Variants in SLC44A5 observed in about 807,000 individuals in gnomAD.
SLC44A5 encodes the protein solute carrier family 44 member 5.
SLC44A5 carries 57 observed loss-of-function variants against 101.8 expected under a neutral mutation model. That is an observed-to-expected ratio of 0.56 (90% CI 0.45 to 0.70). The LOEUF (loss-of-function observed/expected upper bound fraction) is 0.70, where lower values mean the gene tolerates loss of function less well. Among genes scored for constraint, SLC44A5 ranks in the 30% least tolerant of loss-of-function variants. SLC44A5 has a pLI of 0.00. For missense variants in SLC44A5, 737 were observed against 853.1 expected (o/e 0.86, Z 1.70); for synonymous variants, 281 against 290.9 (o/e 0.97, Z 0.35).
chr1:75,656,462 G>T, the SLC44A5 span, among the ~76,000 whole-genome samples: 2 of 152,154 alleles, frequency 1.3e-5, no homozygotes, highest in Non-Finnish European at 2.9e-5. Context: ...AATTTGTTGA[G>T]ATAGGCTATA....
intron 4 of SLC44A5, among the ~76,000 whole-genome samples, chr1:75,336,536 G>A (rs570937336): frequency 1.9e-4 from 29 of 152,222 alleles, no homozygotes; most frequent in Middle Eastern, 3.4e-3. Context: ...GATAGTTTAC[G>A]TATTTAAAAC....
chr1:75,392,631 A>G (rs1410340310), intron 3 of SLC44A5, among the ~76,000 whole-genome samples: 1 of 152,192 alleles, frequency 6.6e-6, no homozygotes, highest in Non-Finnish European at 1.5e-5. Context: ...CTACTGCTCA[A>G]CCTAGCAATC....
At chr1:75,274,788 T>C (rs1200721977) in intron 6 of SLC44A5, among the ~76,000 whole-genome samples, 170 bp downstream of exon 6, 2 of 152,202 alleles carry the variant, frequency 1.3e-5, no homozygotes, top group Admixed American at 6.6e-5. Flanking sequence ...TTAAGACATA[T>C]AATATAAAAC....
At chr1:75,524,937 G>A (rs1015321371) in intron 2 of SLC44A5, among the ~76,000 whole-genome samples, 1 of 151,948 alleles carries the variant, frequency 6.6e-6, no homozygotes, top group African/African-American at 2.4e-5. Context: ...ATTCAAAATT[G>A]CCTATAATTT....
intron 4 of SLC44A5, among the ~76,000 whole-genome samples, chr1:75,326,139 T>C (rs1656581702): frequency 6.6e-6 from 1 of 150,566 alleles, no homozygotes; most frequent in Admixed American, 6.7e-5. Context: ...ATATTTTATA[T>C]ACATATAAAA....
At chr1:75,641,656 T>A in the SLC44A5 span, 69 of 1,491,110 alleles carry the variant, frequency 4.6e-5, no homozygotes, top group Admixed American at 1.8e-4. Context: ...GTAAAATAAC[T>A]TCAGCTTGAA....
chr1:75,485,432 T>C (rs1461548013), intron 2 of SLC44A5, among the ~76,000 whole-genome samples: 1 of 152,206 alleles, frequency 6.6e-6, no homozygotes, highest in Non-Finnish European at 1.5e-5. Context: ...AGAGTGACCT[T>C]TGCTCCAGTT....
chr1:75,692,395 C>A, the SLC44A5 span, among the ~76,000 whole-genome samples: 2 of 151,796 alleles, frequency 1.3e-5, no homozygotes, highest in African/African-American at 4.8e-5. Context: ...CGGGGTTTCA[C>A]CATGTTAGCC....
chr1:75,228,828 C>G (rs993639027), intron 12 of SLC44A5, among the ~76,000 whole-genome samples: 1 of 151,732 alleles, frequency 6.6e-6, no homozygotes, highest in Admixed American at 6.6e-5. Context: ...TAATCACCCA[C>G]TCTAATTATT....
chr1:75,647,726 T>C, the SLC44A5 span, among the ~76,000 whole-genome samples: 3 of 152,148 alleles, frequency 2.0e-5, no homozygotes, highest in Non-Finnish European at 4.4e-5. Context: ...TCCCACTGGA[T>C]TGCAGACTTG....
At chr1:75,656,240 T>A in the SLC44A5 span, among the ~76,000 whole-genome samples, 1 of 152,198 alleles carries the variant, frequency 6.6e-6, no homozygotes, top group Non-Finnish European at 1.5e-5. Context: ...ACCAGACCTG[T>A]CTTACAAGAA....
chr1:75,359,549 T>G (rs1346016194), intron 3 of SLC44A5, among the ~76,000 whole-genome samples: 1 of 152,066 alleles, frequency 6.6e-6, no homozygotes, highest in Non-Finnish European at 1.5e-5. Context: ...CTATACCACA[T>G]TTTCTTTATC....
intron 7 of SLC44A5, among the ~76,000 whole-genome samples, chr1:75,246,506 T>C (rs772124036): frequency 4.6e-5 from 7 of 152,078 alleles, no homozygotes; most frequent in Non-Finnish European, 1.0e-4. Context: ...TAAAAATCCT[T>C]GCCCTCAAGC....
Position 75,432,880 on chromosome 1 carries a change from A to C in SLC44A5, c.14-36259T>G, listed in dbSNP as rs552753690. Among the ~76,000 whole-genome samples, 53 of 152,266 alleles carry C rather than the reference A, an allele frequency of 3.5e-4. No individual in the cohort carries two copies. In the South Asian group the frequency reaches 0.011, roughly 30 times the overall value. The stretch of plus-strand genomic sequence containing the variant: ...CTTGTTAGTGTGGATTTAAACTGAG[A>C]GTTCTGAATATACAGCCCCAAATCA... On this transcript the variant is annotated intron_variant, in intron 2 of 23. Coordinates refer to ENST00000370859, the MANE Select transcript of SLC44A5 (RefSeq NM_001130058.2).
At chr1:75,658,904 A>G in the SLC44A5 span, among the ~76,000 whole-genome samples, 34 of 152,114 alleles carry the variant, frequency 2.2e-4, no homozygotes, top group African/African-American at 8.0e-4. Flanking sequence ...CTAAAGAGAC[A>G]AGACTCAAAG....
intron 1 of SLC44A5, among the ~76,000 whole-genome samples, chr1:75,587,615 T>G (rs944404501): frequency 2.6e-5 from 4 of 152,248 alleles, no homozygotes; most frequent in Non-Finnish European, 5.9e-5. Flanking sequence ...TTTTTGATTT[T>G]CTTTAATTCA....
Position 75,238,646 on chromosome 1 carries a change from TA to T in SLC44A5, c.533-11del. On this transcript the variant is annotated splice_polypyrimidine_tract_variant and intron_variant, in intron 9 of 23. Transcript: ENST00000370859. The stretch of plus-strand genomic sequence containing the variant: ...AAACATCTCTGGAGAACTGTAAAAA[TA>T]AATTAAAATTATTGTAATCACTTTT... 1 of 1,523,318 alleles carries T rather than the reference TA, an allele frequency of 6.6e-7. No homozygotes were observed. Among genetic ancestry groups the T allele is most frequent in the Non-Finnish European group, 8.9e-7 (1 of 1,125,878 alleles). The allele number at this position is 1,523,318 out of a possible 1,614,324, so 94.4% of individuals were successfully genotyped here.
At chr1:75,287,877 G>A (rs747567184) in intron 5 of SLC44A5, among the ~76,000 whole-genome samples, 1 of 152,178 alleles carries the variant, frequency 6.6e-6, no homozygotes, top group Non-Finnish European at 1.5e-5. Context: ...TACTCTGTGA[G>A]GGTCCTTGGT....
chr1:75,344,140 C>T (rs1658083790), intron 3 of SLC44A5, among the ~76,000 whole-genome samples: 1 of 152,156 alleles, frequency 6.6e-6, no homozygotes, highest in African/African-American at 2.4e-5. Flanking sequence ...CACTTCCCCT[C>T]ACAAACTTCC....
Sources: allele counts gnomAD v4.1 joint callset (sites outside exome capture counted in the v4.1 genomes callset), GRCh38; gene constraint gnomAD v4.1.1; transcripts MANE v1.5; gene names NCBI Gene and HGNC (gene_info 2026-07-23, HGNC 2026-07-21).